The following ZNF385B variants were observed in gnomAD, a reference collection of about 807,000 sequenced individuals.
ZNF385B encodes the protein zinc finger protein 533.
Under a neutral mutation model 39.2 loss-of-function variants are expected in ZNF385B, and 23 were observed. The ratio of observed to expected loss-of-function variants is 0.59; its 90% confidence interval spans 0.42 to 0.83. The LOEUF (loss-of-function observed/expected upper bound fraction) is 0.83, where lower values mean the gene tolerates loss of function less well. Among genes scored for constraint, ZNF385B ranks in the 40% least tolerant of loss-of-function variants. The pLI, the probability that ZNF385B is intolerant of heterozygous loss-of-function variation, is 0.00. For missense variants in ZNF385B, 552 were observed against 598.9 expected (o/e 0.92, Z 0.82); for synonymous variants, 205 against 222.6 (o/e 0.92, Z 0.70).
intron 8 of ZNF385B, 83 bp downstream of exon 8, chr2:179,445,467 G>A (rs1287127162): frequency 1.8e-5 from 25 of 1,417,830 alleles, no homozygotes; most frequent in Non-Finnish European, 2.3e-5. Context: ...TGTGAGCACA[G>A]TAAAAACCAT....
At chr2:179,457,022 C>T (rs573341970) in intron 6 of ZNF385B, among the ~76,000 whole-genome samples, 2 of 152,128 alleles carry the variant, frequency 1.3e-5, no homozygotes, top group East Asian at 1.9e-4. Flanking sequence ...TTTTCACCAC[C>T]CTAGAAGCTC....
At chr2:179,673,545 T>C (rs985571386) in intron 3 of ZNF385B, among the ~76,000 whole-genome samples, 4 of 152,320 alleles carry the variant, frequency 2.6e-5, no homozygotes, top group South Asian at 4.1e-4. Flanking sequence ...GTTGGAATTA[T>C]GGCAGTTTTC....
At chr2:179,770,441 C>T (rs1703950514) in intron 2 of ZNF385B, 80 bp downstream of exon 2, 1 of 152,332 alleles carries the variant, frequency 6.6e-6, no homozygotes, top group South Asian at 2.1e-4. Flanking sequence ...TCAGCATACA[C>T]CTGGGCATAT....
At chr2:179,599,204 A>G (rs16866842) in intron 3 of ZNF385B, among the ~76,000 whole-genome samples, 5,234 of 152,286 alleles carry the variant, frequency 0.034, 299 homozygotes, top group East Asian at 0.22. Flanking sequence ...GTCCAAGAAG[A>G]CTAAGGGACT....
chr2:179,833,632 T>C (rs1708097061), intron 1 of ZNF385B, among the ~76,000 whole-genome samples: 1 of 152,054 alleles, frequency 6.6e-6, no homozygotes, highest in African/African-American at 2.4e-5. Flanking sequence ...AAATGACTAA[T>C]TTTTTTAAAA....
chr2:179,848,975 T>C (rs1235074972), intron 1 of ZNF385B, among the ~76,000 whole-genome samples: 1 of 152,228 alleles, frequency 6.6e-6, no homozygotes, highest in Non-Finnish European at 1.5e-5. Context: ...AAACACTTAA[T>C]ATACATTATC....
chr2:179,455,914 G>C (rs1313893592), intron 6 of ZNF385B, among the ~76,000 whole-genome samples: 1 of 151,352 alleles, frequency 6.6e-6, no homozygotes, highest in African/African-American at 2.4e-5. Context: ...ATCCAGTCTC[G>C]GGTATGTCTT....
intron 4 of ZNF385B, among the ~76,000 whole-genome samples, chr2:179,538,449 A>C (rs1035340241): frequency 6.6e-6 from 1 of 152,214 alleles, no homozygotes; most frequent in Non-Finnish European, 1.5e-5. Context: ...TGTGAATTTG[A>C]TTCCCAATTT....
chr2:179,520,347 A>C (rs2058394278), intron 4 of ZNF385B, among the ~76,000 whole-genome samples: 1 of 152,098 alleles, frequency 6.6e-6, no homozygotes, highest in Non-Finnish European at 1.5e-5. Flanking sequence ...TATTATGTTT[A>C]ACTACTAAAT....
chr2:179,761,075 G>A (rs1031297709), intron 3 of ZNF385B, among the ~76,000 whole-genome samples: 2 of 151,978 alleles, frequency 1.3e-5, no homozygotes, highest in Non-Finnish European at 2.9e-5. Context: ...CTATGTCTGG[G>A]TTCTCTAGTC....
chr2:179,854,895 A>T (rs1019335850), intron 1 of ZNF385B, among the ~76,000 whole-genome samples: 1 of 152,214 alleles, frequency 6.6e-6, no homozygotes, highest in Non-Finnish European at 1.5e-5. Context: ...TTTAACTGCA[A>T]ATATTGTCCT....
chr2:179,603,442 A>G (rs1253671746), intron 3 of ZNF385B, among the ~76,000 whole-genome samples: 5 of 152,212 alleles, frequency 3.3e-5, no homozygotes, highest in African/African-American at 1.2e-4. Flanking sequence ...GTCTTTTAAA[A>G]TAGGGTTTCA....
At chr2:179,649,209 A>G (rs1486134392) in intron 3 of ZNF385B, among the ~76,000 whole-genome samples, 1 of 152,182 alleles carries the variant, frequency 6.6e-6, no homozygotes, top group Non-Finnish European at 1.5e-5. Flanking sequence ...AAACAACAAC[A>G]CCACAGAACA....
chr2:179,653,484 T>C (rs2037111), intron 3 of ZNF385B, among the ~76,000 whole-genome samples: 9,047 of 152,192 alleles, frequency 0.059, 889 homozygotes, highest in African/African-American at 0.21. Flanking sequence ...GGGAGACTTA[T>C]GGCGGGTTAA....
intron 3 of ZNF385B, among the ~76,000 whole-genome samples, chr2:179,704,297 AT>A (rs1699425816): frequency 6.6e-6 from 1 of 152,220 alleles, no homozygotes; most frequent in Non-Finnish European, 1.5e-5. Flanking sequence ...GTTCCACTAC[AT>A]TTTTAAAAAA....
intron 6 of ZNF385B, among the ~76,000 whole-genome samples, chr2:179,447,289 G>A (rs763707699): frequency 2.0e-5 from 3 of 152,166 alleles, no homozygotes; most frequent in Non-Finnish European, 4.4e-5. Flanking sequence ...GATTAGTTAA[G>A]TTTTTGCTGC....
At chr2:179,761,073 G>A (rs1703354717) in intron 3 of ZNF385B, among the ~76,000 whole-genome samples, 2 of 151,424 alleles carry the variant, frequency 1.3e-5, no homozygotes, top group Admixed American at 1.3e-4. Flanking sequence ...ATCTATGTCT[G>A]GGTTCTCTAG....
chr2:179,736,479 A>G (rs1575387183), intron 3 of ZNF385B, among the ~76,000 whole-genome samples: 1 of 152,194 alleles, frequency 6.6e-6, no homozygotes, highest in Admixed American at 6.5e-5. Flanking sequence ...ATGTCATGCT[A>G]AAGAAGTTTG....
At chr2:179,663,390 A>T (rs987375812) in intron 3 of ZNF385B, among the ~76,000 whole-genome samples, 1 of 152,188 alleles carries the variant, frequency 6.6e-6, no homozygotes, top group African/African-American at 2.4e-5. Context: ...GCTGTCTTTC[A>T]TCAAGGAGAG....
Sources: allele counts gnomAD v4.1 joint callset (sites outside exome capture counted in the v4.1 genomes callset), GRCh38; gene constraint gnomAD v4.1.1; transcripts MANE v1.5; gene names NCBI Gene and HGNC (gene_info 2026-07-23, HGNC 2026-07-21).